The following SMC6 variants were observed in gnomAD, a reference collection of about 807,000 sequenced individuals.
SMC6 encodes the protein structural maintenance of chromosomes protein 6.
A neutral mutation model predicts 142.2 loss-of-function variants in SMC6; 79 were observed. That is an observed-to-expected ratio of 0.56 (90% confidence interval 0.46 to 0.67). The LOEUF (loss-of-function observed/expected upper bound fraction) is 0.67. Ranked by LOEUF, SMC6 falls within the 30% of genes least tolerant of loss-of-function variation. The pLI, the probability that SMC6 is intolerant of heterozygous loss-of-function variation, is 0.00. For synonymous variants in SMC6, 411 were observed against 412.4 expected (o/e 1.00, Z 0.04); for missense variants, 1,072 against 1,284.0 (o/e 0.83, Z 2.52).
At chr2:17,684,209 C>T (rs1430262335) in intron 23 of SMC6, among the ~76,000 whole-genome samples, 1 of 152,106 alleles carries the variant, frequency 6.6e-6, no homozygotes, top group Non-Finnish European at 1.5e-5. Context: ...ATCAAAGAGG[C>T]AGAGATGGCA....
intron 2 of SMC6, 82 bp from the exon 3 acceptor site, chr2:17,746,033 A>G: frequency 7.6e-7 from 1 of 1,314,010 alleles, no homozygotes; most frequent in Non-Finnish European, 9.9e-7. Flanking sequence ...AACAAGGCTA[A>G]TTAAACTTTA....
intron 18 of SMC6, among the ~76,000 whole-genome samples, chr2:17,703,813 G>A (rs765645004): frequency 1.3e-5 from 2 of 151,812 alleles, no homozygotes; most frequent in South Asian, 2.1e-4. Context: ...GTAGTATATT[G>A]TATAATATAC....
At chr2:17,701,746 T>C in intron 20 of SMC6, 83 bp downstream of exon 20, 1 of 843,328 alleles carries the variant, frequency 1.2e-6, no homozygotes, top group Non-Finnish European at 1.9e-6. Context: ...AAGAACTTTC[T>C]AAAAAAGCTG....
At chr2:17,736,701 C>T (rs186963334) in intron 5 of SMC6, among the ~76,000 whole-genome samples, 5 of 148,136 alleles carry the variant, frequency 3.4e-5, no homozygotes, top group Admixed American at 6.7e-5. Context: ...CAGGCCCCTT[C>T]GCTACTAAAA....
intron 23 of SMC6, among the ~76,000 whole-genome samples, chr2:17,690,611 AC>A (rs1481314796): frequency 2.6e-5 from 4 of 151,980 alleles, no homozygotes; most frequent in Non-Finnish European, 5.9e-5. Flanking sequence ...AAACAAAAAA[AC>A]CAAAAAAACA....
intron 23 of SMC6, among the ~76,000 whole-genome samples, chr2:17,691,836 CCTT>C (rs1424659264): frequency 1.3e-5 from 2 of 152,290 alleles, no homozygotes; most frequent in Non-Finnish European, 2.9e-5. Flanking sequence ...CCCAAAATCT[CCTT>C]AAGCTGATAG....
At chr2:17,713,359 C>A in intron 16 of SMC6, 2 of 406,384 alleles carry the variant, frequency 4.9e-6, no homozygotes, top group Non-Finnish European at 5.0e-6. Context: ...ACTCCTGAGG[C>A]CCTTGTTCTC....
At chr2:17,684,070 T>C (rs150475165) in intron 23 of SMC6, among the ~76,000 whole-genome samples, 35 of 152,102 alleles carry the variant, frequency 2.3e-4, no homozygotes, top group African/African-American at 8.2e-4. Flanking sequence ...TACTAGCAAA[T>C]ACACACCTTC....
chr2:17,729,576 G>T (rs1007215866), intron 7 of SMC6, among the ~76,000 whole-genome samples: 1 of 152,026 alleles, frequency 6.6e-6, no homozygotes, highest in Admixed American at 6.6e-5. Flanking sequence ...TTCTACACAG[G>T]GTAAATACAG....
At chr2:17,717,026 G>T in intron 13 of SMC6, 62 bp downstream of exon 13, 1 of 1,532,860 alleles carries the variant, frequency 6.5e-7, no homozygotes, top group Non-Finnish European at 8.9e-7. Flanking sequence ...ATACTCCAAT[G>T]CATCTACCTT....
chr2:17,730,969 G>A, intron 7 of SMC6, 109 bp downstream of exon 7: 2 of 788,620 alleles, frequency 2.5e-6, no homozygotes, highest in Non-Finnish European at 4.4e-6. Context: ...TGCTTCCTGT[G>A]GTCAGTTTAC....
chr2:17,752,875 A>C (rs763007611), intron 2 of SMC6, 103 bp downstream of exon 2: 16 of 258,304 alleles, frequency 6.2e-5, no homozygotes, highest in African/African-American at 9.2e-5. Flanking sequence ...ACTGGCTTTT[A>C]ATCTACTACT....
chr2:17,751,807 G>A (rs918001423), intron 2 of SMC6, among the ~76,000 whole-genome samples: 4 of 152,138 alleles, frequency 2.6e-5, no homozygotes, highest in African/African-American at 9.7e-5. Context: ...AAGCTATCAC[G>A]GTAAAATTTT....
intron 18 of SMC6, 89 bp from the exon 19 acceptor site, chr2:17,703,381 T>A: frequency 1.7e-6 from 2 of 1,199,928 alleles, no homozygotes; most frequent in Non-Finnish European, 2.3e-6. Context: ...AAGCCTTATT[T>A]ATAGTAAGTT....
intron 8 of SMC6, among the ~76,000 whole-genome samples, chr2:17,726,013 G>A (rs1669597482): frequency 6.9e-6 from 1 of 145,796 alleles, no homozygotes; most frequent in South Asian, 2.2e-4. Context: ...ACTTAAACCT[G>A]AGGGGTGGAG....
intron 25 of SMC6, among the ~76,000 whole-genome samples, chr2:17,671,556 C>A (rs544226889): frequency 7.3e-6 from 1 of 137,450 alleles, no homozygotes; most frequent in Admixed American, 8.0e-5. Context: ...TTGCAGTGAG[C>A]CAAGATCATG....
At chr2:17,677,447 G>C (rs2710658) in intron 25 of SMC6, among the ~76,000 whole-genome samples, 4 of 151,806 alleles carry the variant, frequency 2.6e-5, no homozygotes, top group Admixed American at 6.6e-5. Flanking sequence ...ACTCTGTCTT[G>C]TCAGCCCTCC....
chr2:17,734,725 A>T (rs1027508761), intron 5 of SMC6, among the ~76,000 whole-genome samples: 4 of 137,304 alleles, frequency 2.9e-5, no homozygotes, highest in African/African-American at 1.0e-4. Context: ...CTGCTATATA[A>T]ATTTTCTTTT....
At chr2:17,702,449 T>G (rs1668313199) in intron 19 of SMC6, among the ~76,000 whole-genome samples, 1 of 152,240 alleles carries the variant, frequency 6.6e-6, no homozygotes, top group South Asian at 2.1e-4. Flanking sequence ...TAATTGAATT[T>G]TATTAAACTT....
Sources: allele counts gnomAD v4.1 joint callset (sites outside exome capture counted in the v4.1 genomes callset), GRCh38; gene constraint gnomAD v4.1.1; transcripts MANE v1.5; gene names NCBI Gene and HGNC (gene_info 2026-07-23, HGNC 2026-07-21).